Variants in FOXJ3 observed in about 807,000 individuals in gnomAD.
FOXJ3 encodes the protein forkhead box protein J3.
In FOXJ3, 22 loss-of-function variants were observed where a neutral mutation model predicts 76.1. That is an observed-to-expected ratio of 0.29 (90% CI 0.21 to 0.41). FOXJ3 has a LOEUF of 0.41. Ranked by LOEUF, FOXJ3 falls within the 10% of genes least tolerant of loss-of-function variation. The pLI is 1.00. For synonymous variants in FOXJ3, 269 were observed against 261.2 expected (o/e 1.03, Z -0.29); for missense variants, 613 against 762.1 (o/e 0.80, Z 2.30).
At chr1:42,251,193 C>A (rs1393951558) in intron 4 of FOXJ3, among the ~76,000 whole-genome samples, 1 of 152,000 alleles carries the variant, frequency 6.6e-6, no homozygotes. Flanking sequence ...CCAAAAGTGA[C>A]AGGGGTTTGG....
intron 4 of FOXJ3, among the ~76,000 whole-genome samples, chr1:42,258,533 A>G (rs1650783418): frequency 6.6e-6 from 1 of 152,228 alleles, no homozygotes; most frequent in South Asian, 2.1e-4. Context: ...CCGAATGAAC[A>G]TGTGGATAAC....
intron 2 of FOXJ3, among the ~76,000 whole-genome samples, chr1:42,285,215 T>C (rs1313048348): frequency 2.6e-5 from 4 of 152,112 alleles, no homozygotes; most frequent in African/African-American, 9.7e-5. Context: ...CAAACCATCA[T>C]CTATGTATTA....
chr1:42,283,155 G>C, intron 2 of FOXJ3, among the ~76,000 whole-genome samples: 1 of 152,178 alleles, frequency 6.6e-6, no homozygotes, highest in East Asian at 1.9e-4. Flanking sequence ...AGAAAAATGA[G>C]AATATGGGAG....
intron 3 of FOXJ3, among the ~76,000 whole-genome samples, chr1:42,273,623 C>T (rs1260054920): frequency 1.5e-5 from 2 of 133,536 alleles, no homozygotes; most frequent in Non-Finnish European, 3.1e-5. Context: ...TGCAGTGAGC[C>T]GAGATCACAC....
intron 3 of FOXJ3, among the ~76,000 whole-genome samples, chr1:42,274,121 G>T (rs4660616): frequency 0.76 from 115,722 of 152,060 alleles, 44,091 homozygotes; most frequent in Admixed American, 0.82. Flanking sequence ...CACCATGTGT[G>T]TTCATTGCCA....
chr1:42,269,522 A>C (rs568689654), intron 3 of FOXJ3, among the ~76,000 whole-genome samples: 2 of 152,262 alleles, frequency 1.3e-5, no homozygotes, highest in African/African-American at 4.8e-5. Flanking sequence ...CACCTGTGAT[A>C]AATCACTTAA....
At chr1:42,264,689 A>T (rs1398504630) in intron 4 of FOXJ3, among the ~76,000 whole-genome samples, 1 of 152,166 alleles carries the variant, frequency 6.6e-6, no homozygotes, top group Non-Finnish European at 1.5e-5. Context: ...TCAGGAGATA[A>T]GAAGAGTCAA....
intron 8 of FOXJ3, among the ~76,000 whole-genome samples, chr1:42,192,667 A>G (rs1316081971): frequency 6.6e-6 from 1 of 152,216 alleles, no homozygotes; most frequent in Non-Finnish European, 1.5e-5. Flanking sequence ...ACCTTACTGC[A>G]ACATTTGGTT....
chr1:42,251,190 T>C (rs1650013525), intron 4 of FOXJ3, among the ~76,000 whole-genome samples: 1 of 151,948 alleles, frequency 6.6e-6, no homozygotes, highest in Admixed American at 6.6e-5. Context: ...CTACCAAAAG[T>C]GACAGGGGTT....
At position 42,278,604 on chromosome 1, in the gene FOXJ3, G is replaced by A. The variant is rs781364541; in HGVS notation, c.113C>T (p.Ala38Val). 5.0e-6 allele frequency: 8 copies of A among 1,614,076 alleles called. No individual in the cohort carries two copies. The highest frequency in any genetic ancestry group is 4.2e-6 in the Non-Finnish European group (5 of 1,179,966). The change falls in exon 3 of 13, where the codon GCC becomes GTC. Residue 38 changes from alanine (A) to valine (V), a missense_variant. This residue lies in a region of FOXJ3 where 77 missense variants were observed against 115.1 expected (regional missense o/e 0.67). Coordinates refer to ENST00000361346, the MANE Select transcript of FOXJ3 (RefSeq NM_014947.5). Reference protein sequence around the residue: ...DWLPQLTMRAAIQKSDATQNA... With the variant: ...DWLPQLTMRAVIQKSDATQNA... ...TTGTGTAGCATCAGATTTTTGGATG[G>A]CTGCTCTCATGGTGAGCTGTGGTAA...
chr1:42,301,906 T>C (rs531663512), intron 2 of FOXJ3, among the ~76,000 whole-genome samples: 1 of 152,332 alleles, frequency 6.6e-6, no homozygotes, highest in Non-Finnish European at 1.5e-5. Context: ...GTTGTTCCTC[T>C]GGTTGCTTCT....
intron 1 of FOXJ3, chr1:42,334,121 A>C (rs576689318): frequency 4.1e-6 from 4 of 978,850 alleles, no homozygotes; most frequent in Middle Eastern, 5.3e-4. Context: ...AAACAGAGAA[A>C]TGAAAACTAT....
chr1:42,288,518 G>A (rs537971074), intron 2 of FOXJ3, among the ~76,000 whole-genome samples: 23 of 152,216 alleles, frequency 1.5e-4, no homozygotes, highest in East Asian at 5.8e-4. Flanking sequence ...GGGCTAACAC[G>A]GTGGAAAGTG....
chr1:42,238,904 TA>T (rs1402123531), intron 4 of FOXJ3, among the ~76,000 whole-genome samples: 1 of 152,186 alleles, frequency 6.6e-6, no homozygotes, highest in East Asian at 1.9e-4. Flanking sequence ...GACTGGTATC[TA>T]ACATTGAGTC....
chr1:42,265,113 A>G lies in FOXJ3; in HGVS notation c.444+2T>C. 6.5e-7 allele frequency: 1 copy of G among 1,550,270 alleles called. No individual in the cohort carries two copies. The highest frequency in any genetic ancestry group is 8.9e-7 in the Non-Finnish European group (1 of 1,122,700). On this transcript the variant is annotated splice_donor_variant, in intron 4 of 12. Transcript: ENST00000361346. LOFTEE classifies it high-confidence loss of function. ...CAACTGTTTTAAGAAGATGAATCCT[A>G]CCTTTCCAGGGTCATCCTTAGATCG...
At chr1:42,299,957 C>A (rs1654032220) in intron 2 of FOXJ3, among the ~76,000 whole-genome samples, 1 of 151,746 alleles carries the variant, frequency 6.6e-6, no homozygotes, top group African/African-American at 2.4e-5. Flanking sequence ...AATCCGAGCA[C>A]TTTGGAAGGC....
intron 5 of FOXJ3, among the ~76,000 whole-genome samples, chr1:42,224,546 G>A (rs192474929): frequency 1.3e-5 from 2 of 151,984 alleles, no homozygotes; most frequent in Admixed American, 1.3e-4. Flanking sequence ...CTAGCTACTC[G>A]GAGGGGCTAA....
intron 7 of FOXJ3, among the ~76,000 whole-genome samples, chr1:42,198,178 C>A (rs1646690097): frequency 6.6e-6 from 1 of 152,144 alleles, no homozygotes; most frequent in Non-Finnish European, 1.5e-5. Flanking sequence ...TCTCAGTTCT[C>A]CACATTTATT....
intron 4 of FOXJ3, among the ~76,000 whole-genome samples, chr1:42,254,801 C>CT (rs1650437773): frequency 7.3e-6 from 1 of 137,662 alleles, no homozygotes; most frequent in Non-Finnish European, 1.5e-5. Context: ...ACATCACACT[C>CT]TGGGGACTGT....
Sources: gnomAD v4.1 joint callset for allele counts (sites outside exome capture counted in the v4.1 genomes callset) on GRCh38, gnomAD v4.1.1 for gene constraint, gnomAD v4.1.1 regional missense constraint, MANE v1.5 for transcripts, NCBI Gene and HGNC (gene_info 2026-07-23, HGNC 2026-07-21) for gene names.